RYR3: variants seen among roughly 807,000 people sequenced by gnomAD.
RYR3 encodes brain ryanodine receptor-calcium release channel.
Under a neutral mutation model 584.3 loss-of-function variants are expected in RYR3, and 207 were observed. The ratio of observed to expected loss-of-function variants is 0.35; its 90% CI spans 0.32 to 0.40. The LOEUF (loss-of-function observed/expected upper bound fraction) is 0.40, where lower values mean the gene tolerates loss of function less well. RYR3 is among the 10% of genes least tolerant of loss of function. The pLI, the probability that RYR3 is intolerant of heterozygous loss-of-function variation, is 1.00. For synonymous variants in RYR3, 2,416 were observed against 2,248.5 expected (o/e 1.07, Z -2.11); for missense variants, 5,616 against 6,089.2 (o/e 0.92, Z 2.59).
At chr15:33,780,164 C>T (rs367752105) in intron 64 of RYR3, 47 bp from the exon 65 acceptor site, 3 of 1,599,618 alleles carry the variant, frequency 1.9e-6, no homozygotes, top group African/African-American at 2.7e-5. Flanking sequence ...ATGCATGGGG[C>T]CAGCATGTGG....
intron 1 of RYR3, among the ~76,000 whole-genome samples, chr15:33,321,157 T>A (rs532162821): frequency 1.3e-5 from 2 of 152,340 alleles, no homozygotes; most frequent in South Asian, 4.1e-4. Flanking sequence ...ACACAAAAAT[T>A]CATCATCTTT....
intron 38 of RYR3, among the ~76,000 whole-genome samples, chr15:33,677,944 CT>C (rs2064298120): frequency 6.6e-6 from 1 of 152,154 alleles, no homozygotes; most frequent in Non-Finnish European, 1.5e-5. Context: ...TCCACTACGC[CT>C]TCTGGACACC....
At chr15:33,468,079 TCAGA>T (rs1347728892) in intron 1 of RYR3, among the ~76,000 whole-genome samples, 6 of 152,306 alleles carry the variant, frequency 3.9e-5, no homozygotes, top group Middle Eastern at 3.4e-3. Context: ...GACTCCTGAT[TCAGA>T]CAGTCCTGGG....
At chr15:33,602,971 T>C (rs963983874) in intron 17 of RYR3, among the ~76,000 whole-genome samples, 152 bp from the exon 18 acceptor site, 1 of 152,090 alleles carries the variant, frequency 6.6e-6, no homozygotes, top group African/African-American at 2.4e-5. Flanking sequence ...TCCTGGCTTT[T>C]AGAGATCCCT....
At chr15:33,338,997 A>T (rs999339791) in intron 1 of RYR3, among the ~76,000 whole-genome samples, 3 of 152,240 alleles carry the variant, frequency 2.0e-5, no homozygotes, top group African/African-American at 7.2e-5. Context: ...CTTCTGGCAG[A>T]TGGAAGGGAG....
chr15:33,587,217 C>T (rs746017867), intron 16 of RYR3, among the ~76,000 whole-genome samples: 1 of 152,192 alleles, frequency 6.6e-6, no homozygotes, highest in Non-Finnish European at 1.5e-5. Context: ...CAAAGGCAAA[C>T]ATGAAGCTTC....
intron 1 of RYR3, among the ~76,000 whole-genome samples, chr15:33,356,931 T>C (rs1320709793): frequency 2.0e-5 from 3 of 152,228 alleles, no homozygotes; most frequent in Admixed American, 6.5e-5. Context: ...TACTAGGTAA[T>C]GTATCCTGGA....
At position 33,550,186 on chromosome 15, in the gene RYR3, G is replaced by A. The variant is rs751242191; in HGVS notation, c.842G>A (p.Gly281Asp). 1.2e-6 allele frequency: 2 copies of A among 1,613,684 alleles called. No homozygotes were observed. Among genetic ancestry groups the A allele is most frequent in the East Asian group, 2.2e-5 (1 of 44,870 alleles). The change falls in exon 10 of 104, where the codon GGC becomes GAC. Residue 281 changes from glycine to aspartate, a missense_variant. Around this residue, in one of 9 missense-constraint regions of RYR3, gnomAD observed 1,284 missense variants for 1,344.6 expected, o/e 0.95. Transcript: ENST00000634891. ...TGGAGTGGCAGTAACATCAGATGGG[G>A]CCAGGCTTTCCGACTCCGGCATCTC... ...ISWSGSNIRW[G>D]QAFRLRHLTT...
intron 1 of RYR3, among the ~76,000 whole-genome samples, chr15:33,428,700 TAGTC>T (rs1271249568): frequency 3.4e-5 from 5 of 148,886 alleles, no homozygotes; most frequent in African/African-American, 5.0e-5. Flanking sequence ...AGCATTCACA[TAGTC>T]AGACCCAATT....
chr15:33,706,383 C>G (rs983686242), intron 42 of RYR3, among the ~76,000 whole-genome samples: 4 of 152,170 alleles, frequency 2.6e-5, no homozygotes, highest in African/African-American at 9.7e-5. Context: ...CAATAACTTT[C>G]CATTCTTCCC....
At chr15:33,826,310 A>C in intron 83 of RYR3, 41 bp downstream of exon 83, 1 of 1,599,686 alleles carries the variant, frequency 6.3e-7, no homozygotes, top group Non-Finnish European at 8.6e-7. Context: ...CCGTGTGTGA[A>C]TCCTAGGAGA....
At chr15:33,818,902 C>A (rs2076962776) in intron 76 of RYR3, among the ~76,000 whole-genome samples, 1 of 152,036 alleles carries the variant, frequency 6.6e-6, no homozygotes, top group Admixed American at 6.5e-5. Flanking sequence ...GGCGGGCGGA[C>A]CATCTGAGGG....
chr15:33,857,419 TAAC>T (rs2079806171), intron 98 of RYR3, among the ~76,000 whole-genome samples: 3 of 152,054 alleles, frequency 2.0e-5, no homozygotes, highest in South Asian at 2.1e-4. Context: ...GGGCCCATCT[TAAC>T]AACCTCAGTT....
intron 57 of RYR3, among the ~76,000 whole-genome samples, chr15:33,750,795 C>T (rs2071212060): frequency 6.6e-6 from 1 of 152,124 alleles, no homozygotes; most frequent in Non-Finnish European, 1.5e-5. Context: ...CATAGGTATA[C>T]ACGTGCCATG....
intron 10 of RYR3, among the ~76,000 whole-genome samples, chr15:33,552,490 A>T (rs2056760016): frequency 6.6e-6 from 1 of 152,224 alleles, no homozygotes; most frequent in East Asian, 1.9e-4. Context: ...CCCATGAGTC[A>T]CATTGTCCTG....
chr15:33,782,252 G>A (rs1311309900), intron 65 of RYR3, among the ~76,000 whole-genome samples: 1 of 152,208 alleles, frequency 6.6e-6, no homozygotes, highest in Non-Finnish European at 1.5e-5. Context: ...AGCTTTGGGA[G>A]GGAGGGGAAT....
In RYR3 at chr15:33,763,904, A is replaced by AAAAAAAAAAAAAAAAAAAAAAAAC. The variant is rs1567121773; in HGVS notation, c.8706-4742_8706-4741insAAAAAAAAAAACAAAAAAAAAAAA. 2.0e-4 allele frequency among the ~76,000 whole-genome samples: 26 copies of AAAAAAAAAAAAAAAAAAAAAAAAC among 130,622 alleles called. 1 individual carries two copies. Among genetic ancestry groups the AAAAAAAAAAAAAAAAAAAAAAAAC allele is most frequent in the African/African-American group, 7.9e-4 (24 of 30,538 alleles). 85.7% of individuals were successfully genotyped at this position (130,622 alleles called of 152,430 possible). ...CGAGACTTCATCTCAAAAAAAAAAA[A>AAAAAAAAAAAAAAAAAAAAAAAAC]AAAAAAAAAAAATCAGGAAACAACA... On this transcript the variant is annotated intron_variant, in intron 60 of 103. Coordinates refer to ENST00000634891, the MANE Select transcript of RYR3 (RefSeq NM_001036.6).
At chr15:33,614,412 A>G (rs1166552485) in intron 19 of RYR3, among the ~76,000 whole-genome samples, 3 of 152,050 alleles carry the variant, frequency 2.0e-5, no homozygotes, top group Non-Finnish European at 4.4e-5. Context: ...ATTTAAAGCA[A>G]CATATGGGAA....
intron 1 of RYR3, among the ~76,000 whole-genome samples, chr15:33,336,797 C>T (rs1971148730): frequency 6.6e-6 from 1 of 151,798 alleles, no homozygotes; most frequent in Admixed American, 6.6e-5. Flanking sequence ...TGGCTCACGC[C>T]TGTAATCCCA....
Sources: gnomAD v4.1 joint callset for allele counts (sites outside exome capture counted in the v4.1 genomes callset) on GRCh38, gnomAD v4.1.1 for gene constraint, gnomAD v4.1.1 regional missense constraint, MANE v1.5 for transcripts, NCBI Gene and HGNC (gene_info 2026-07-23, HGNC 2026-07-21) for gene names.